TCF4: variants seen among roughly 807,000 people sequenced by gnomAD.
TCF4 encodes SL3-3 enhancer factor 2.
Under a neutral mutation model 82.1 loss-of-function variants are expected in TCF4, and 3 were observed. That is an observed-to-expected ratio of 0.04 (90% CI 0.02 to 0.09). The LOEUF (loss-of-function observed/expected upper bound fraction) is 0.09. TCF4 is among the 10% of genes least tolerant of loss of function. TCF4 has a pLI of 1.00. For synonymous variants in TCF4, 276 were observed against 309.6 expected (o/e 0.89, Z 1.14); for missense variants, 518 against 852.7 (o/e 0.61, Z 4.89).
intron 8 of TCF4, among the ~76,000 whole-genome samples, chr18:55,281,998 T>C (rs549893577): frequency 2.6e-5 from 4 of 152,048 alleles, no homozygotes; most frequent in African/African-American, 9.7e-5. Flanking sequence ...TGAAACTCTT[T>C]GTTAATAGGC....
At chr18:55,425,648 C>G (rs994107753) in intron 5 of TCF4, among the ~76,000 whole-genome samples, 1 of 152,120 alleles carries the variant, frequency 6.6e-6, no homozygotes, top group Non-Finnish European at 1.5e-5. Flanking sequence ...TTTCTATTTT[C>G]AAGCTCAATA....
At chr18:55,599,000 G>C (rs1387968550) in intron 2 of TCF4, among the ~76,000 whole-genome samples, 4 of 152,162 alleles carry the variant, frequency 2.6e-5, no homozygotes, top group Non-Finnish European at 5.9e-5. Context: ...GGTGAGACTG[G>C]ACCATTTTAG....
intron 3 of TCF4, among the ~76,000 whole-genome samples, chr18:55,539,539 AG>A (rs1464373916): frequency 6.6e-6 from 1 of 152,168 alleles, no homozygotes; most frequent in Non-Finnish European, 1.5e-5. Context: ...CCCATAACCC[AG>A]AGCACAAACT....
At chr18:55,372,511 A>G (rs1362574346) in intron 6 of TCF4, among the ~76,000 whole-genome samples, 1 of 152,146 alleles carries the variant, frequency 6.6e-6, no homozygotes, top group East Asian at 1.9e-4. Context: ...TTAAAACTCA[A>G]ATTTTATATG....
At chr18:55,527,543 T>C (rs892363215) in intron 3 of TCF4, among the ~76,000 whole-genome samples, 12 of 152,132 alleles carry the variant, frequency 7.9e-5, no homozygotes, top group African/African-American at 2.9e-4. Context: ...TTGGTGCAGA[T>C]TCAACAAGGT....
intron 3 of TCF4, among the ~76,000 whole-genome samples, chr18:55,478,732 C>T (rs1054158130): frequency 2.6e-5 from 4 of 151,866 alleles, no homozygotes; most frequent in Admixed American, 2.6e-4. Flanking sequence ...CCACTTCCCC[C>T]AGCTTTTTTT....
At chr18:55,343,280 T>C (rs1382865098) in intron 8 of TCF4, among the ~76,000 whole-genome samples, 1 of 152,184 alleles carries the variant, frequency 6.6e-6, no homozygotes, top group African/African-American at 2.4e-5. Context: ...TCTTTACAGT[T>C]TGCTATGAAG....
rs56248920 is a variant in TCF4, at chr18:55,512,372, T to C, written c.146-48235A>G. Among the ~76,000 whole-genome samples the C allele has an allele frequency of 1.9e-3, 288 of 152,244 alleles. 2 individuals are homozygous for C. Among genetic ancestry groups the C allele is most frequent in the Admixed American group, 3.5e-3 (53 of 15,280 alleles). ...ATTGGAAAATATTCATGGTAAAATA[T>C]GAAGTTTAAAAGCAATAAACAAATT... On this transcript the variant is annotated intron_variant, in intron 3 of 19. Transcript: ENST00000354452.
intron 4 of TCF4, among the ~76,000 whole-genome samples, chr18:55,463,334 G>C (rs543464905): frequency 6.6e-6 from 1 of 152,270 alleles, no homozygotes; most frequent in East Asian, 1.9e-4. Flanking sequence ...GAGGACCCAA[G>C]AGGTGAAATG....
At chr18:55,452,595 G>A (rs1164441872) in intron 5 of TCF4, 1 of 152,630 alleles carries the variant, frequency 6.6e-6, no homozygotes, top group Non-Finnish European at 1.5e-5. Context: ...GGGGACTGGA[G>A]AAAAGAGTGG....
intron 3 of TCF4, among the ~76,000 whole-genome samples, chr18:55,505,049 T>C (rs1384683212): frequency 6.6e-6 from 1 of 152,288 alleles, no homozygotes. Flanking sequence ...AACAAGACAG[T>C]TAGGATACAT....
At chr18:55,250,502 T>C (rs1008254490) in intron 15 of TCF4, among the ~76,000 whole-genome samples, 5 of 152,194 alleles carry the variant, frequency 3.3e-5, no homozygotes, top group African/African-American at 9.7e-5. Context: ...AAAAAGAGCA[T>C]TGAATTTGGA....
intron 5 of TCF4, among the ~76,000 whole-genome samples, chr18:55,431,336 A>G (rs964478879): frequency 1.3e-5 from 2 of 152,054 alleles, no homozygotes; most frequent in African/African-American, 4.8e-5. Context: ...CTAGAGTGCA[A>G]TGGGGCGATC....
chr18:55,558,584 A>C (rs2097326018), intron 3 of TCF4, among the ~76,000 whole-genome samples: 1 of 152,210 alleles, frequency 6.6e-6, no homozygotes, highest in Non-Finnish European at 1.5e-5. Flanking sequence ...ACAACACTAG[A>C]GTCACACATC....
chr18:55,302,046 G>A (rs1239522878), intron 8 of TCF4, among the ~76,000 whole-genome samples: 1 of 152,220 alleles, frequency 6.6e-6, no homozygotes, highest in East Asian at 1.9e-4. Context: ...GTCCTGCAGA[G>A]GGAAAATTAA....
chr18:55,510,265 T>C (rs1485544220), intron 3 of TCF4, among the ~76,000 whole-genome samples: 1 of 152,160 alleles, frequency 6.6e-6, no homozygotes, highest in Admixed American at 6.5e-5. Flanking sequence ...TCCAGAATGG[T>C]TTCCATTCCT....
At chr18:55,332,263 T>C (rs1432609340) in intron 8 of TCF4, 1 of 152,080 alleles carries the variant, frequency 6.6e-6, no homozygotes, top group Non-Finnish European at 1.5e-5. Context: ...CATATTTAAC[T>C]TCTTATTTGT....
Position 55,499,870 on chromosome 18 carries a change from G to T in TCF4, c.146-35733C>A, listed in dbSNP as rs565229136. Among the ~76,000 whole-genome samples, 4 of 152,274 alleles carry T rather than the reference G, an allele frequency of 2.6e-5. No homozygotes were observed. The East Asian group carries it at 7.7e-4, about 29-fold the overall frequency. ...TGAATGGGAAGCCCAAAAAAATGAGGTTCAGCAATGTCTGCATATTTTAAA... is the reference window on the plus strand; with the variant it reads ...TGAATGGGAAGCCCAAAAAAATGAGTTTCAGCAATGTCTGCATATTTTAAA... On this transcript the variant is annotated intron_variant, in intron 3 of 19. Transcript: ENST00000354452.
intron 11 of TCF4, among the ~76,000 whole-genome samples, chr18:55,264,302 A>G (rs1432973815): frequency 6.6e-6 from 1 of 152,206 alleles, no homozygotes; most frequent in Non-Finnish European, 1.5e-5. Context: ...AACCACTGAT[A>G]AGAACAGACT....
Sources: gnomAD v4.1 joint callset for allele counts (sites outside exome capture counted in the v4.1 genomes callset) on GRCh38, gnomAD v4.1.1 for gene constraint, MANE v1.5 for transcripts, NCBI Gene and HGNC (gene_info 2026-07-23, HGNC 2026-07-21) for gene names.